PTPRT: variants seen among roughly 807,000 people sequenced by gnomAD.
PTPRT encodes protein tyrosine phosphatase receptor type T, also known as receptor-type tyrosine-protein phosphatase T.
A neutral mutation model predicts 176.8 loss-of-function variants in PTPRT; 56 were observed. The observed-to-expected ratio is 0.32, with a 90% CI of 0.26 to 0.40. The LOEUF (loss-of-function observed/expected upper bound fraction) is 0.40. Among genes scored for constraint, PTPRT ranks in the 10% least tolerant of loss-of-function variants. The pLI is 1.00. For missense variants in PTPRT, 1,540 were observed against 1,908.2 expected, an observed-to-expected ratio of 0.81 and a Z score of 3.60; for synonymous variants, 783 against 739.0, an observed-to-expected ratio of 1.06 and a Z score of -0.96.
intron 6 of PTPRT, among the ~76,000 whole-genome samples, chr20:42,741,130 G>GT (rs1014791190): frequency 1.3e-5 from 2 of 152,174 alleles, no homozygotes; most frequent in African/African-American, 2.4e-5. Flanking sequence ...AAACAGATAT[G>GT]TCAGAAGTGA....
chr20:42,730,952 C>T (rs983489394), intron 6 of PTPRT, among the ~76,000 whole-genome samples: 3 of 152,072 alleles, frequency 2.0e-5, no homozygotes, highest in African/African-American at 7.2e-5. Flanking sequence ...AGGTGGGTGT[C>T]CATACAGCTT....
chr20:43,155,880 A>G (rs2014503848), intron 1 of PTPRT, among the ~76,000 whole-genome samples: 1 of 152,202 alleles, frequency 6.6e-6, no homozygotes, highest in African/African-American at 2.4e-5. Context: ...CTCTTCAGAA[A>G]TTAGCAGCCT....
chr20:43,148,815 G>T (rs940276202), intron 1 of PTPRT, among the ~76,000 whole-genome samples: 3 of 152,088 alleles, frequency 2.0e-5, no homozygotes, highest in Non-Finnish European at 2.9e-5. Context: ...TTTTTTCATA[G>T]GCAAGAAAAA....
At chr20:42,338,975 G>A (rs1485994649) in intron 11 of PTPRT, among the ~76,000 whole-genome samples, 1 of 152,154 alleles carries the variant, frequency 6.6e-6, no homozygotes, top group African/African-American at 2.4e-5. Flanking sequence ...AACTGGCCCG[G>A]GGGGACAATG....
At chr20:42,128,166 C>T (rs1342508812) in intron 19 of PTPRT, among the ~76,000 whole-genome samples, 1 of 152,194 alleles carries the variant, frequency 6.6e-6, no homozygotes, top group African/African-American at 2.4e-5. Context: ...GGCCCCTCTC[C>T]CCTCTCTTTG....
At position 42,207,273 on chromosome 20, in the gene PTPRT, C is replaced by T. The variant is rs375689586; in HGVS notation, c.2343-7885G>A. ...AAGGAACACAGTTCGTCACCAGCAA[C>T]GGAACAAAGCTGGATGGAGAATGAC... On this transcript the variant is annotated intron_variant, in intron 15 of 30. Transcript: ENST00000373187. Among the ~76,000 whole-genome samples, 9 of 152,248 alleles carry T rather than the reference C, an allele frequency of 5.9e-5. No homozygotes were observed. The South Asian group carries it at 6.2e-4, about 11-fold the overall frequency.
At chr20:42,579,045 C>T (rs1400974280) in intron 7 of PTPRT, among the ~76,000 whole-genome samples, 2 of 147,182 alleles carry the variant, frequency 1.4e-5, no homozygotes, top group African/African-American at 5.1e-5. Context: ...TCTTTTAATG[C>T]TATCCCTCCC....
intron 17 of PTPRT, among the ~76,000 whole-genome samples, chr20:42,158,128 G>A (rs1177544110): frequency 1.3e-5 from 2 of 152,214 alleles, no homozygotes; most frequent in African/African-American, 4.8e-5. Flanking sequence ...GAGATTGGTT[G>A]TTTCATGTTG....
chr20:42,034,740 C>T, the PTPRT span, among the ~76,000 whole-genome samples: 1 of 152,226 alleles, frequency 6.6e-6, no homozygotes, highest in South Asian at 2.1e-4. Context: ...ATGGTTTTAT[C>T]CTGGATTACT....
At chr20:42,237,919 C>A (rs964029720) in intron 14 of PTPRT, among the ~76,000 whole-genome samples, 2 of 152,130 alleles carry the variant, frequency 1.3e-5, no homozygotes, top group African/African-American at 2.4e-5. Context: ...CAACCATTAT[C>A]CCATTTGCTT....
intron 13 of PTPRT, among the ~76,000 whole-genome samples, chr20:42,253,622 A>G (rs1169358444): frequency 6.6e-6 from 1 of 152,208 alleles, no homozygotes. Flanking sequence ...CAAGCAAATC[A>G]GAATTGGCAT....
chr20:42,391,121 G>C (rs2058795643), intron 9 of PTPRT, among the ~76,000 whole-genome samples: 1 of 152,162 alleles, frequency 6.6e-6, no homozygotes, highest in East Asian at 1.9e-4. Context: ...ATTTTTTAGA[G>C]GAAAGAGGGA....
chr20:42,285,732 A>T (rs1260907731), intron 12 of PTPRT, among the ~76,000 whole-genome samples: 1 of 151,920 alleles, frequency 6.6e-6, no homozygotes, highest in Non-Finnish European at 1.5e-5. Flanking sequence ...AATTGGAAAA[A>T]AAAAAGTCAA....
intron 2 of PTPRT, among the ~76,000 whole-genome samples, chr20:42,800,529 A>T (rs2077515583): frequency 1.3e-5 from 2 of 152,344 alleles, no homozygotes; most frequent in East Asian, 3.9e-4. Flanking sequence ...CTGCAGCTCT[A>T]AATGGAAATG....
At chr20:42,625,882 C>T (rs1000699870) in intron 7 of PTPRT, among the ~76,000 whole-genome samples, 1 of 151,336 alleles carries the variant, frequency 6.6e-6, no homozygotes, top group African/African-American at 2.4e-5. Flanking sequence ...ATATGCTTTA[C>T]CTAATCCATT....
chr20:42,844,666 C>T (rs1228027525), intron 2 of PTPRT, among the ~76,000 whole-genome samples: 2 of 152,306 alleles, frequency 1.3e-5, no homozygotes, highest in Non-Finnish European at 2.9e-5. Flanking sequence ...GGCTCTCATG[C>T]TTCCCTTCTG....
At chr20:42,877,138 G>A (rs1235470218) in intron 2 of PTPRT, among the ~76,000 whole-genome samples, 1 of 148,734 alleles carries the variant, frequency 6.7e-6, no homozygotes, top group African/African-American at 2.5e-5. Context: ...GAAGGATCAG[G>A]CCTGAAAAAT....
chr20:42,270,437 G>A, intron 13 of PTPRT: 1 of 1,551,280 alleles, frequency 6.4e-7, no homozygotes, highest in Non-Finnish European at 8.7e-7. Flanking sequence ...GGGTCACCTG[G>A]GCGCTGCCCA....
At chr20:42,851,810 C>T (rs2078476741) in intron 2 of PTPRT, among the ~76,000 whole-genome samples, 1 of 152,182 alleles carries the variant, frequency 6.6e-6, no homozygotes. Context: ...AAACAAGCAG[C>T]AAACCAGATT....
Sources: allele counts gnomAD v4.1 joint callset (sites outside exome capture counted in the v4.1 genomes callset), GRCh38; gene constraint gnomAD v4.1.1; transcripts MANE v1.5; gene names NCBI Gene and HGNC (gene_info 2026-07-23, HGNC 2026-07-21).